EBF1: variants seen among roughly 807,000 people sequenced by gnomAD.
The protein encoded by EBF1 is EBF transcription factor 1.
A neutral mutation model predicts 68.4 loss-of-function variants in EBF1; 10 were observed. The ratio of observed to expected loss-of-function variants is 0.15; its 90% confidence interval spans 0.09 to 0.25. The LOEUF (loss-of-function observed/expected upper bound fraction) is 0.25, where lower values mean the gene tolerates loss of function less well. Ranked by LOEUF, EBF1 falls within the 10% of genes least tolerant of loss-of-function variation. EBF1 has a pLI of 1.00. For missense variants in EBF1, 509 were observed against 794.4 expected, an observed-to-expected ratio of 0.64 and a Z score of 4.32; for synonymous variants, 298 against 299.8, an observed-to-expected ratio of 0.99 and a Z score of 0.06.
chr5:159,018,233 T>C (rs1407685079), intron 6 of EBF1, among the ~76,000 whole-genome samples: 3 of 152,230 alleles, frequency 2.0e-5, no homozygotes, highest in Admixed American at 6.5e-5. Flanking sequence ...CTACCCTATT[T>C]GTTCTTTCAC....
intron 6 of EBF1, chr5:158,986,362 C>A (rs1759074077): frequency 6.6e-6 from 1 of 152,136 alleles, no homozygotes; most frequent in Admixed American, 6.5e-5. Flanking sequence ...CTTCTATCTC[C>A]TCCCCTAGGT....
At chr5:159,082,273 A>G (rs1779873231) in intron 5 of EBF1, among the ~76,000 whole-genome samples, 1 of 152,170 alleles carries the variant, frequency 6.6e-6, no homozygotes, top group Non-Finnish European at 1.5e-5. Context: ...ACAAAGTTTT[A>G]TTGTGCCGTT....
chr5:159,068,371 G>GTGGA (rs71851703), intron 6 of EBF1, among the ~76,000 whole-genome samples: 168 of 149,906 alleles, frequency 1.1e-3, no homozygotes, highest in South Asian at 4.9e-3. Context: ...ATGTGGGTGG[G>GTGGA]TGGATGGATG....
chr5:159,096,512 G>T, intron 2 of EBF1, 106 bp from the exon 3 acceptor site: 1 of 1,299,560 alleles, frequency 7.7e-7, no homozygotes, highest in Non-Finnish European at 1.1e-6. Context: ...GACCCCCGCT[G>T]GCGAGCCAGG....
chr5:158,891,113 G>A (rs186958615), intron 6 of EBF1, among the ~76,000 whole-genome samples: 2 of 152,164 alleles, frequency 1.3e-5, no homozygotes, highest in Non-Finnish European at 2.9e-5. Flanking sequence ...GATTTCCCAC[G>A]GTACATAATT....
chr5:158,794,598 A>G (rs1416344946), intron 9 of EBF1, among the ~76,000 whole-genome samples: 1 of 152,132 alleles, frequency 6.6e-6, no homozygotes, highest in African/African-American at 2.4e-5. Context: ...AGGGTCAGTA[A>G]TTTTTAATGC....
At chr5:158,794,970 C>CT (rs1469966773) in intron 9 of EBF1, among the ~76,000 whole-genome samples, 20 of 152,284 alleles carry the variant, frequency 1.3e-4, no homozygotes, top group African/African-American at 4.1e-4. Flanking sequence ...TCTGATTTGG[C>CT]TTTATGAGAA....
chr5:158,732,346 C>G (rs1200356016), intron 10 of EBF1, among the ~76,000 whole-genome samples: 1 of 152,082 alleles, frequency 6.6e-6, no homozygotes, highest in Non-Finnish European at 1.5e-5. Context: ...TCAAATAGGT[C>G]CCAAGGCTAA....
chr5:158,907,760 T>TA (rs141106140), intron 6 of EBF1, among the ~76,000 whole-genome samples: 49 of 147,926 alleles, frequency 3.3e-4, no homozygotes, highest in South Asian at 4.3e-4. Flanking sequence ...GTCAACAATA[T>TA]AAAAAAAAAA....
chr5:159,090,099 C>G (rs936053228), intron 4 of EBF1, among the ~76,000 whole-genome samples: 2 of 152,054 alleles, frequency 1.3e-5, no homozygotes, highest in Admixed American at 6.6e-5. Flanking sequence ...AGTGAAATGT[C>G]TTCTGAATGC....
intron 6 of EBF1, among the ~76,000 whole-genome samples, chr5:158,861,635 A>G (rs935518588): frequency 6.6e-6 from 1 of 152,222 alleles, no homozygotes; most frequent in African/African-American, 2.4e-5. Flanking sequence ...GCTGCCTTCA[A>G]TTAATGCTCC....
Position 158,840,115 on chromosome 5 carries a change from G to A in EBF1, c.555-5C>T. ...AGGAAAAATTTCAAGAAGAACCTGTGAAGAAACAAATCATCATGGTTAGCA... is the reference window on the plus strand; with the variant it reads ...AGGAAAAATTTCAAGAAGAACCTGTAAAGAAACAAATCATCATGGTTAGCA... On this transcript the variant is annotated splice_region_variant and splice_polypyrimidine_tract_variant and intron_variant, in intron 6 of 15. Transcript: ENST00000313708. 6.2e-7 allele frequency: 1 copy of A among 1,611,700 alleles called. No homozygotes were observed.
chr5:158,755,545 C>G (rs1256972433), intron 10 of EBF1, among the ~76,000 whole-genome samples: 1 of 152,166 alleles, frequency 6.6e-6, no homozygotes, highest in Admixed American at 6.5e-5. Flanking sequence ...GAATAGACTT[C>G]TACTTTAGGA....
At chr5:158,917,272 C>T (rs1035783225) in intron 6 of EBF1, among the ~76,000 whole-genome samples, 3 of 152,224 alleles carry the variant, frequency 2.0e-5, no homozygotes, top group Non-Finnish European at 2.9e-5. Context: ...TTAGATCCTT[C>T]GTACATACTC....
intron 8 of EBF1, among the ~76,000 whole-genome samples, chr5:158,821,995 A>T (rs1034553167): frequency 4.6e-5 from 7 of 152,184 alleles, no homozygotes; most frequent in Non-Finnish European, 1.0e-4. Context: ...GGCAAAAATG[A>T]TGAGAGTGGC....
intron 6 of EBF1, among the ~76,000 whole-genome samples, chr5:159,017,363 C>T (rs1561803128): frequency 6.6e-6 from 1 of 152,188 alleles, no homozygotes; most frequent in African/African-American, 2.4e-5. Flanking sequence ...TGGCTTCTAT[C>T]AAAAAATCAT....
intron 6 of EBF1, among the ~76,000 whole-genome samples, chr5:159,029,709 C>T (rs529762885): frequency 6.8e-6 from 1 of 146,228 alleles, no homozygotes; most frequent in Non-Finnish European, 1.5e-5. Context: ...AATCCTAACA[C>T]TTTGGAAGCC....
At chr5:158,914,046 T>C (rs1223617892) in intron 6 of EBF1, among the ~76,000 whole-genome samples, 1 of 152,168 alleles carries the variant, frequency 6.6e-6, no homozygotes, top group Non-Finnish European at 1.5e-5. Context: ...AACAACCTGA[T>C]GTGGTGGGGC....
chr5:158,775,418 C>T (rs1774916274), intron 10 of EBF1, among the ~76,000 whole-genome samples: 1 of 151,976 alleles, frequency 6.6e-6, no homozygotes, highest in African/African-American at 2.4e-5. Context: ...TGGGCAGGGA[C>T]GTTGTCACCA....
Sources: gnomAD v4.1 joint callset for allele counts (sites outside exome capture counted in the v4.1 genomes callset) on GRCh38, gnomAD v4.1.1 for gene constraint, MANE v1.5 for transcripts, NCBI Gene and HGNC (gene_info 2026-07-23, HGNC 2026-07-21) for gene names.